The following DSCAM variants were observed in gnomAD, a reference collection of about 807,000 sequenced individuals.
The protein encoded by DSCAM is DS cell adhesion molecule, also known as cell adhesion molecule DSCAM.
DSCAM carries 47 observed loss-of-function variants against 217.7 expected under a neutral mutation model. That is an observed-to-expected ratio of 0.22 (90% CI 0.17 to 0.28). DSCAM has a LOEUF of 0.28. Among genes scored for constraint, DSCAM ranks in the 10% least tolerant of loss-of-function variants. The pLI is 1.00. For synonymous variants in DSCAM, 1,056 were observed against 1,015.3 expected (o/e 1.04, Z -0.76); for missense variants, 2,080 against 2,618.3 (o/e 0.79, Z 4.49).
At chr21:40,046,672 A>G (rs2088846353) in intron 30 of DSCAM, among the ~76,000 whole-genome samples, 2 of 152,132 alleles carry the variant, frequency 1.3e-5, no homozygotes, top group South Asian at 2.1e-4. Context: ...AGTCCCTTAC[A>G]TAAGTTTTGA....
intron 3 of DSCAM, among the ~76,000 whole-genome samples, chr21:40,509,024 T>C (rs1237408176): frequency 2.0e-5 from 3 of 151,794 alleles, no homozygotes; most frequent in Non-Finnish European, 4.4e-5. Flanking sequence ...TTAAATTTGG[T>C]AAAATGGCCT....
intron 3 of DSCAM, among the ~76,000 whole-genome samples, chr21:40,425,024 G>A (rs1041692122): frequency 1.3e-5 from 2 of 152,036 alleles, no homozygotes; most frequent in African/African-American, 4.8e-5. Context: ...CTTGAACCTG[G>A]GGGGTGGAGG....
At chr21:40,314,042 T>C (rs1220611767) in intron 8 of DSCAM, among the ~76,000 whole-genome samples, 12 of 152,316 alleles carry the variant, frequency 7.9e-5, no homozygotes, top group Middle Eastern at 3.4e-3. Flanking sequence ...AATCAAGTCA[T>C]GTTTATTGAG....
At chr21:40,093,476 TAA>T (rs2089636772) in intron 21 of DSCAM, among the ~76,000 whole-genome samples, 1 of 152,236 alleles carries the variant, frequency 6.6e-6, no homozygotes, top group Non-Finnish European at 1.5e-5. Context: ...GCTCCTTTCC[TAA>T]TTTTCATAGA....
At chr21:40,028,900 A>AG (rs758989531) in intron 32 of DSCAM, among the ~76,000 whole-genome samples, 20 of 151,988 alleles carry the variant, frequency 1.3e-4, no homozygotes, top group Admixed American at 6.5e-4. Flanking sequence ...CAACAGATAA[A>AG]GGGGTGCTCT....
At chr21:40,330,526 A>C (rs1391755019) in intron 8 of DSCAM, among the ~76,000 whole-genome samples, 1 of 151,784 alleles carries the variant, frequency 6.6e-6, no homozygotes, top group Non-Finnish European at 1.5e-5. Context: ...AAAATGCCAT[A>C]TTTTAAAGAA....
At chr21:40,674,493 C>T (rs1411073098) in intron 3 of DSCAM, among the ~76,000 whole-genome samples, 1 of 152,014 alleles carries the variant, frequency 6.6e-6, no homozygotes, top group African/African-American at 2.4e-5. Flanking sequence ...AAGGATATAA[C>T]GAGTATAATA....
chr21:40,775,287 G>A (rs969516964), intron 1 of DSCAM, among the ~76,000 whole-genome samples: 1 of 152,142 alleles, frequency 6.6e-6, no homozygotes, highest in Non-Finnish European at 1.5e-5. Context: ...AGTTACCCAC[G>A]TTGACCAGTA....
chr21:40,745,146 T>C (rs2091162075), intron 1 of DSCAM, among the ~76,000 whole-genome samples: 1 of 152,068 alleles, frequency 6.6e-6, no homozygotes, highest in Non-Finnish European at 1.5e-5. Context: ...GAAGAAGGCC[T>C]ATGAGAATTA....
chr21:40,233,409 T>C (rs2091399034), intron 11 of DSCAM, among the ~76,000 whole-genome samples: 1 of 152,064 alleles, frequency 6.6e-6, no homozygotes, highest in African/African-American at 2.4e-5. Context: ...ATGAAGAAAA[T>C]AAAGGTCACT....
intron 3 of DSCAM, among the ~76,000 whole-genome samples, chr21:40,590,174 G>T (rs1004568510): frequency 6.6e-6 from 1 of 152,208 alleles, no homozygotes; most frequent in African/African-American, 2.4e-5. Flanking sequence ...ACCAAGCCTA[G>T]GCTCAAAGGC....
chr21:40,445,299 G>A (rs548191582), intron 3 of DSCAM, among the ~76,000 whole-genome samples: 32 of 152,260 alleles, frequency 2.1e-4, no homozygotes, highest in African/African-American at 7.0e-4. Context: ...CTTTAATTGC[G>A]TGCTGGCCTC....
chr21:40,323,574 G>C (rs987189138), intron 8 of DSCAM, among the ~76,000 whole-genome samples: 1 of 152,118 alleles, frequency 6.6e-6, no homozygotes, highest in Non-Finnish European at 1.5e-5. Flanking sequence ...TAAAATTGTT[G>C]CTCACTAACT....
chr21:40,494,753 A>G (rs973038886), intron 3 of DSCAM, among the ~76,000 whole-genome samples: 1 of 152,076 alleles, frequency 6.6e-6, no homozygotes, highest in African/African-American at 2.4e-5. Flanking sequence ...AGGAAATAAT[A>G]AAGGTCAGTA....
chr21:40,028,147 T>TG (rs575989690), intron 32 of DSCAM, among the ~76,000 whole-genome samples: 7 of 90,158 alleles, frequency 7.8e-5, no homozygotes, highest in South Asian at 4.8e-4. Context: ...CTGCCCCTGC[T>TG]GGGGGGTGCC....
intron 3 of DSCAM, among the ~76,000 whole-genome samples, chr21:40,447,767 T>C (rs1284407123): frequency 1.3e-5 from 2 of 152,234 alleles, no homozygotes; most frequent in African/African-American, 2.4e-5. Flanking sequence ...CATTAATTTT[T>C]TTCTCCTAAA....
intron 32 of DSCAM, among the ~76,000 whole-genome samples, chr21:40,017,572 T>C (rs956628285): frequency 1.3e-5 from 2 of 152,098 alleles, no homozygotes; most frequent in South Asian, 4.2e-4. Context: ...ACATTTTTTT[T>C]TTTTTTGAGA....
At chr21:40,041,817 T>C (rs8128025) in intron 32 of DSCAM, among the ~76,000 whole-genome samples, 104,942 of 151,994 alleles carry the variant, frequency 0.69, 36,936 homozygotes, top group African/African-American at 0.82. Flanking sequence ...GCCCTCAGTG[T>C]GGCAGTTTTA....
intron 10 of DSCAM, among the ~76,000 whole-genome samples, chr21:40,281,712 G>T (rs778942152): frequency 3.6e-4 from 55 of 152,038 alleles, no homozygotes; most frequent in African/African-American, 1.3e-3. Context: ...ACATTTTGGC[G>T]GATTTTTTTT....
Sources: allele counts gnomAD v4.1 joint callset (sites outside exome capture counted in the v4.1 genomes callset), GRCh38; gene constraint gnomAD v4.1.1; transcripts MANE v1.5; gene names NCBI Gene and HGNC (gene_info 2026-07-23, HGNC 2026-07-21).